Variants in CASP1 observed in about 807,000 individuals in gnomAD.
CASP1 encodes the protein caspase-1.
Under a neutral mutation model 41.2 loss-of-function variants are expected in CASP1, and 31 were observed. The observed-to-expected ratio is 0.75, with a 90% CI of 0.57 to 1.02. The LOEUF is 1.02. Ranked by LOEUF, CASP1 falls within the 50% of genes least tolerant of loss-of-function variation. The probability of loss-of-function intolerance (pLI) is 0.00; values close to 1 mark genes in which losing one functional copy is unlikely to be tolerated. For missense variants in CASP1, 490 were observed against 495.7 expected (o/e 0.99, Z 0.11); for synonymous variants, 163 against 166.5 (o/e 0.98, Z 0.16).
chr11:105,030,712 C>G, intron 4 of CASP1: 2 of 485,666 alleles, frequency 4.1e-6, no homozygotes, highest in South Asian at 7.1e-5. Context: ...CTTCTGACTT[C>G]GTTGTTCTTG....
intron 4 of CASP1, chr11:105,030,749 A>C (rs1863640923): frequency 2.2e-6 from 1 of 447,780 alleles, no homozygotes. Flanking sequence ...AAGATGCACA[A>C]GCTTTGAAGC....
upstream of CASP1, among the ~76,000 whole-genome samples, chr11:105,036,346 C>T (rs1864018507): frequency 6.6e-6 from 1 of 152,146 alleles, no homozygotes; most frequent in South Asian, 2.1e-4. Context: ...CAAAACATAT[C>T]ATGGTCCTTT....
chr11:105,034,527 T>C, intron 1 of CASP1, 53 bp from the exon 2 acceptor site: 3 of 1,605,808 alleles, frequency 1.9e-6, no homozygotes, highest in African/African-American at 2.7e-5. Flanking sequence ...CATATTCCTC[T>C]CATGTAATCA....
At chr11:105,030,140 G>T (rs1255120421) in intron 5 of CASP1, among the ~76,000 whole-genome samples, 190 bp downstream of exon 5, 1 of 152,096 alleles carries the variant, frequency 6.6e-6, no homozygotes, top group Non-Finnish European at 1.5e-5. Flanking sequence ...TCCCAATTCA[G>T]TTATACCAGG....
At position 105,035,107 on chromosome 11, in the gene CASP1, C is replaced by T. The variant is rs150005656; in HGVS notation, c.7G>A (p.Asp3Asn). 1.4e-5 allele frequency: 23 copies of T among 1,613,516 alleles called. No individual in the cohort carries two copies. Among genetic ancestry groups the T allele is most frequent in the Admixed American group, 3.3e-5 (2 of 60,018 alleles). ...GTTCTTGGAACAGTAAAAGACTCAC[C>T]GGCCATGGCTTTTCTCTCCTCCCTT... MA[D>N]KVLKEKRKLF... The change falls in exon 1 of 9, where the codon GAC (aspartate) becomes AAC (asparagine). Residue 3 changes from aspartate (D) to asparagine (N), a missense_variant and splice_region_variant. Coordinates refer to ENST00000533400, the MANE Select transcript of CASP1 (RefSeq NM_001257118.3).
chr11:105,030,590 A>C, intron 4 of CASP1, 87 bp from the exon 5 acceptor site: 1 of 1,133,978 alleles, frequency 8.8e-7, no homozygotes, highest in East Asian at 2.4e-5. Flanking sequence ...CCCCTTCCTT[A>C]GTCCTATCAA....
chr11:105,027,116 T>A, intron 7 of CASP1, 165 bp from the exon 8 acceptor site: 1 of 667,892 alleles, frequency 1.5e-6, no homozygotes. Context: ...GATTTGGAAA[T>A]GAAATATCTA....
At position 105,030,286 on chromosome 11, in the gene CASP1, T is replaced by C. The variant is rs572122466; in HGVS notation, c.627+44A>G. On this transcript the variant is annotated intron_variant, in intron 5 of 8. Transcript: ENST00000533400. ...CAAGCTTTCTAATATTATTCAGTTA[T>C]ACGAAGGGCATAACCATTGTTTCTG... 4 of 1,479,726 alleles carry C rather than the reference T, an allele frequency of 2.7e-6. No homozygotes were observed. The African/African-American group carries it at 5.6e-5, about 21-fold the overall frequency. 91.7% of individuals were successfully genotyped at this position (1,479,726 alleles called of 1,614,324 possible). A position where few individuals can be genotyped will look rare whatever the true frequency, so the allele number is the denominator to read the frequency against.
At chr11:105,027,169 T>C (rs1370690048) in intron 7 of CASP1, 2 of 617,546 alleles carry the variant, frequency 3.2e-6, no homozygotes, top group East Asian at 5.4e-5. Flanking sequence ...TGATTTAAGT[T>C]AATTATGCAT....
intron 3 of CASP1, among the ~76,000 whole-genome samples, chr11:105,032,221 A>T (rs1377454158): frequency 6.6e-6 from 1 of 152,222 alleles, no homozygotes; most frequent in East Asian, 1.9e-4. Flanking sequence ...GAATTAGAAT[A>T]GATATATTGG....
intron 3 of CASP1, among the ~76,000 whole-genome samples, 187 bp from the exon 4 acceptor site, chr11:105,031,467 T>G (rs899190560): frequency 1.3e-5 from 2 of 152,166 alleles, no homozygotes; most frequent in African/African-American, 4.8e-5. Context: ...AGCAAGAGAT[T>G]TCCAGGTATG....
chr11:105,025,559 G>A lies in CASP1; in HGVS notation c.*699C>T, dbSNP rs1167399473. ...TTTCAAAAAAGTTTATTATTCAGCA[G>A]ACATAATTCCAAAAACCTTTACAGA... is the stretch of plus-strand genomic sequence containing the variant. On this transcript the variant is annotated 3_prime_UTR_variant, in exon 9 of 9. Coordinates refer to ENST00000533400, the MANE Select transcript of CASP1 (RefSeq NM_001257118.3). The A allele has an allele frequency of 4.7e-6, 2 of 424,810 alleles. No homozygotes were observed. The highest frequency in any genetic ancestry group is 9.2e-6 in the Non-Finnish European group (2 of 217,708). 26.3% of individuals were successfully genotyped at this position (424,810 alleles called of 1,614,324 possible).
At chr11:105,033,037 A>T in intron 3 of CASP1, 27 bp downstream of exon 3, 1 of 1,422,212 alleles carries the variant, frequency 7.0e-7, no homozygotes, top group Non-Finnish European at 9.9e-7. Flanking sequence ...GGGTCAAAGA[A>T]TGCTCTTCCT....
At position 105,028,349 on chromosome 11, in the gene CASP1, G is replaced by C. The variant is rs952958008; in HGVS notation, c.1006+775C>G. 3.9e-5 allele frequency among the ~76,000 whole-genome samples: 6 copies of C among 152,116 alleles called. No homozygotes were observed. In the East Asian group the frequency reaches 1.2e-3, roughly 29 times the overall value. On this transcript the variant is annotated intron_variant, in intron 7 of 8. Transcript: ENST00000533400. ...CAAGTCCTCTCAGGAAACTGCCAAA[G>C]GTGGTGAATGAAAGGATTTAAATAA...
rs1503383 is a variant in CASP1 at position 105,033,649 on chromosome 11, C to G, written c.275-523G>C. 3.2e-3 allele frequency among the ~76,000 whole-genome samples: 493 copies of G among 152,220 alleles called. 4 individuals are homozygous for G. The highest frequency in any genetic ancestry group is 9.6e-3 in the African/African-American group (399 of 41,516). On this transcript the variant is annotated intron_variant, in intron 2 of 8. Coordinates refer to ENST00000533400, the MANE Select transcript of CASP1 (RefSeq NM_001257118.3). ...TAACAGGCAACCAGGTGATCTTACT[C>G]AAAGAAAATACAAGGAGGCAACTGG...
At position 105,025,649 on chromosome 11, in the gene CASP1, G is replaced by C. The variant is rs1863224919; in HGVS notation, c.*609C>G. The C allele has an allele frequency of 2.6e-6, 1 of 386,374 alleles. No homozygotes were observed. Among genetic ancestry groups the C allele is most frequent in the Admixed American group, 3.6e-5 (1 of 27,848 alleles). The allele number at this position is 386,374 out of a possible 1,614,324, so 23.9% of individuals were successfully genotyped here. A position where few individuals can be genotyped will look rare whatever the true frequency, so the allele number is the denominator to read the frequency against. On this transcript the variant is annotated 3_prime_UTR_variant, in exon 9 of 9. Transcript: ENST00000533400. Reference sequence around the variant, plus strand: ...AAAAAAAAACATAGGAAAGAATTTTGTTAAAGACATGCAAGTTATAAAGTT... The same window carrying C: ...AAAAAAAAACATAGGAAAGAATTTTCTTAAAGACATGCAAGTTATAAAGTT...
At chr11:105,035,577 C>T (rs927344579), upstream of CASP1, among the ~76,000 whole-genome samples, 4 of 129,214 alleles carry the variant, frequency 3.1e-5, no homozygotes, top group East Asian at 2.3e-4. Flanking sequence ...TAAAGCTTTT[C>T]TTATTTAATG....
chr11:105,028,734 C>T (rs1863479242), intron 7 of CASP1, among the ~76,000 whole-genome samples: 1 of 152,046 alleles, frequency 6.6e-6, no homozygotes, highest in Non-Finnish European at 1.5e-5. Context: ...CAAAGTGTCT[C>T]GCTTGCTGTT....
At chr11:105,033,766 G>A in intron 2 of CASP1, 1 of 392,502 alleles carries the variant, frequency 2.5e-6, no homozygotes, top group Non-Finnish European at 5.0e-6. Context: ...TTATTCTTTT[G>A]GGAGGGTAAA....
Sources: gnomAD v4.1 joint callset for allele counts (sites outside exome capture counted in the v4.1 genomes callset) on GRCh38, gnomAD v4.1.1 for gene constraint, MANE v1.5 for transcripts, NCBI Gene and HGNC (gene_info 2026-07-23, HGNC 2026-07-21) for gene names.